Variants in ANKRA2 observed in about 807,000 individuals in gnomAD.
The protein encoded by ANKRA2 is ankyrin repeat family A protein 2.
Under a neutral mutation model 37.8 loss-of-function variants are expected in ANKRA2, and 33 were observed. That is an observed-to-expected ratio of 0.87 (90% CI 0.66 to 1.17). The LOEUF is 1.17. Among genes scored for constraint, ANKRA2 ranks in the 50% most tolerant of loss-of-function variants. The probability of loss-of-function intolerance (pLI) is 0.00; values close to 1 mark genes in which losing one functional copy is unlikely to be tolerated. For synonymous variants in ANKRA2, 126 were observed against 132.3 expected (o/e 0.95, Z 0.33); for missense variants, 326 against 373.7 (o/e 0.87, Z 1.05).
At chr5:73,555,623 AC>A (rs1314392825) in intron 4 of ANKRA2, 38 bp from the exon 5 acceptor site, 3 of 1,545,516 alleles carry the variant, frequency 1.9e-6, no homozygotes, top group Non-Finnish European at 2.7e-6. Context: ...ATCTAATTTA[AC>A]AACCATATCT....
At chr5:73,564,950 A>C (rs969643681) in intron 1 of ANKRA2, among the ~76,000 whole-genome samples, 182 bp downstream of exon 1, 1 of 152,066 alleles carries the variant, frequency 6.6e-6, no homozygotes, top group African/African-American at 2.4e-5. Context: ...AAGGCAATCG[A>C]TAGCTAGGTT....
At position 73,554,347 on chromosome 5, in the gene ANKRA2, A is replaced by G; in HGVS notation, c.780T>C (p.His260=). 1 of 1,613,794 alleles carries G rather than the reference A, an allele frequency of 6.2e-7. No homozygotes were observed. Among genetic ancestry groups the G allele is most frequent in the East Asian group, 2.2e-5 (1 of 44,874 alleles). ...TPLLYAVHGN[H]VKCVKMLLES... The stretch of plus-strand genomic sequence containing the variant: ...CTAAGAGCATCTTTACACATTTCAC[A>G]TGATTTCCATGTACAGCATAAAGCA... The change falls in exon 7 of 9, where the codon CAT becomes CAC. Residue 260 remains histidine (H), a synonymous_variant. Transcript: ENST00000296785.
At chr5:73,559,092 G>A (rs1747476303) in intron 3 of ANKRA2, among the ~76,000 whole-genome samples, 1 of 152,178 alleles carries the variant, frequency 6.6e-6, no homozygotes, top group Non-Finnish European at 1.5e-5. Flanking sequence ...ACTACAGAAG[G>A]AAAAGCAATT....
chr5:73,564,881 G>A (rs1000657839), intron 1 of ANKRA2, among the ~76,000 whole-genome samples: 4 of 150,602 alleles, frequency 2.7e-5, no homozygotes, highest in African/African-American at 1.0e-4. Flanking sequence ...AGAGGGAGGC[G>A]GGGGTGAGGG....
At position 73,561,144 on chromosome 5, in the gene ANKRA2, G is replaced by A; in HGVS notation, c.434C>T (p.Pro145Leu). The A allele has an allele frequency of 1.9e-6, 3 of 1,612,024 alleles. No individual in the cohort carries two copies. Among genetic ancestry groups the A allele is most frequent in the Non-Finnish European group, 2.5e-6 (3 of 1,179,522 alleles). The change falls in exon 3 of 9, where the codon CCT (proline) becomes CTT (leucine). Residue 145 changes from proline to leucine, a missense_variant. Physicochemically the swap from Pro to Leu is moderately conservative, Grantham distance 98. This residue lies in a region of ANKRA2 where 228 missense variants were observed against 260.2 expected (regional missense o/e 0.88). Coordinates refer to ENST00000296785, the MANE Select transcript of ANKRA2 (RefSeq NM_023039.5). The part of the protein sequence containing the change: ...KHRGNEVSTT[P>L]LLANSLSVHQ... The stretch of plus-strand genomic sequence containing the variant: ...CAAATACTTACAATTTGCTAACAGA[G>A]GTGTGGTAGAGACCTCATTTCCTCT...
intron 7 of ANKRA2, among the ~76,000 whole-genome samples, chr5:73,553,782 CTTTT>C (rs56080001): frequency 1.6e-5 from 2 of 126,600 alleles, no homozygotes; most frequent in Non-Finnish European, 3.6e-5. Flanking sequence ...TTCTTTTCTT[CTTTT>C]TTTTTTTTGA....
rs1046700008 is a variant in ANKRA2, at chr5:73,555,140, T to C, written c.613-154A>G. 8.4e-6 allele frequency: 12 copies of C among 1,432,072 alleles called. No homozygotes were observed. In the African/African-American group the frequency reaches 1.7e-4, roughly 21 times the overall value. The allele number at this position is 1,432,072 out of a possible 1,614,324, so 88.7% of individuals were successfully genotyped here. A position where few individuals can be genotyped will look rare whatever the true frequency, so the allele number is the denominator to read the frequency against. ...AAACTTTTACTCATGGATGCTTTTA[T>C]TGAGATTGCCTGGATGCCTTCCTTC... On this transcript the variant is annotated intron_variant, in intron 5 of 8. Coordinates refer to ENST00000296785, the MANE Select transcript of ANKRA2 (RefSeq NM_023039.5).
chr5:73,563,344 A>G (rs577734312), intron 1 of ANKRA2, among the ~76,000 whole-genome samples: 8 of 152,348 alleles, frequency 5.3e-5, no homozygotes, highest in Admixed American at 2.0e-4. Flanking sequence ...CCCATTTCCT[A>G]TATCTGAATA....
At position 73,552,798 on chromosome 5, in the gene ANKRA2, T is replaced by C. The variant is rs983775928; in HGVS notation, c.941A>G (p.Ter314TrpextTer25). Residue 314 changes from the stop codon to tryptophan (W), a stop_lost, in exon 9 of 9, where the codon TAG (stop) becomes TGG (tryptophan). Coordinates refer to ENST00000296785, the MANE Select transcript of ANKRA2 (RefSeq NM_023039.5). ...GCAGACATTTTCTGATGACTGTGTC[T>C]ACTCCTTGATATTTTGAAGCAGCTT... is the stretch of plus-strand genomic sequence containing the variant. Reference protein sequence around the residue: ...LLKLLQNIKE* With the variant: ...LLKLLQNIKEW 8 of 1,601,024 alleles carry C rather than the reference T, an allele frequency of 5.0e-6. No homozygotes were observed. In the Admixed American group the frequency reaches 8.4e-5, roughly 17 times the overall value.
intron 5 of ANKRA2, 126 bp downstream of exon 5, chr5:73,555,362 T>G: frequency 7.1e-7 from 1 of 1,412,686 alleles, no homozygotes; most frequent in Non-Finnish European, 9.4e-7. Context: ...CACAAGAATA[T>G]GAAAAGCATT....
chr5:73,561,466 C>CAA (rs796578276), intron 2 of ANKRA2, 178 bp from the exon 3 acceptor site: 171 of 496,286 alleles, frequency 3.4e-4, no homozygotes, highest in East Asian at 5.9e-4. Context: ...AATGGTTAGT[C>CAA]AAAAAAAAAA....
At chr5:73,561,419 GTTT>G in intron 2 of ANKRA2, 131 bp from the exon 3 acceptor site, 2 of 853,922 alleles carry the variant, frequency 2.3e-6, no homozygotes, top group Non-Finnish European at 3.5e-6. Context: ...ATACTAAATT[GTTT>G]TTATCATTAA....
chr5:73,556,950 T>C (rs1372393264), intron 4 of ANKRA2, among the ~76,000 whole-genome samples: 1 of 150,080 alleles, frequency 6.7e-6, no homozygotes, highest in African/African-American at 2.4e-5. Flanking sequence ...GACACACATC[T>C]GGTTATATAT....
Position 73,552,598 on chromosome 5 carries a change from T to C in ANKRA2, c.*199A>G. On this transcript the variant is annotated 3_prime_UTR_variant, in exon 9 of 9. Transcript: ENST00000296785. ...CCACGAAAACATTAATTTATAATTT[T>C]AAATATACAGTAAAACATAGTTATA... 1 of 471,634 alleles carries C rather than the reference T, an allele frequency of 2.1e-6. No individual in the cohort carries two copies. The highest frequency in any genetic ancestry group is 3.7e-6 in the Non-Finnish European group (1 of 270,718). 29.2% of individuals were successfully genotyped at this position (471,634 alleles called of 1,614,324 possible).
intron 3 of ANKRA2, among the ~76,000 whole-genome samples, chr5:73,560,319 TTACTC>T (rs1747513662): frequency 6.6e-6 from 1 of 152,154 alleles, no homozygotes; most frequent in Non-Finnish European, 1.5e-5. Context: ...CATTTAAAAT[TTACTC>T]TTTTAGCAAT....
At chr5:73,557,733 C>T (rs1239789398) in intron 3 of ANKRA2, 93 bp from the exon 4 acceptor site, 7 of 841,724 alleles carry the variant, frequency 8.3e-6, no homozygotes, top group Non-Finnish European at 1.3e-5. Context: ...TTTTCTTTTC[C>T]AAAACAAAAA....
At chr5:73,553,282 A>G in intron 8 of ANKRA2, 124 bp downstream of exon 8, 1 of 684,584 alleles carries the variant, frequency 1.5e-6, no homozygotes, top group South Asian at 2.5e-5. Context: ...CAAAGTTAAA[A>G]GTATATGTCA....
chr5:73,559,207 C>T (rs905074627), intron 3 of ANKRA2, among the ~76,000 whole-genome samples: 1 of 152,104 alleles, frequency 6.6e-6, no homozygotes, highest in Non-Finnish European at 1.5e-5. Context: ...GTATGTGACT[C>T]AGAAATCAGG....
chr5:73,555,149 C>T, intron 5 of ANKRA2, 163 bp from the exon 6 acceptor site: 7 of 1,424,714 alleles, frequency 4.9e-6, no homozygotes, highest in Non-Finnish European at 5.5e-6. Flanking sequence ...ATTGAGATTG[C>T]CTGGATGCCT....
Sources: gnomAD v4.1 joint callset for allele counts (sites outside exome capture counted in the v4.1 genomes callset) on GRCh38, gnomAD v4.1.1 for gene constraint, gnomAD v4.1.1 regional missense constraint, MANE v1.5 for transcripts, NCBI Gene and HGNC (gene_info 2026-07-23, HGNC 2026-07-21) for gene names.